The following GOLGA4 variants were observed in gnomAD, a reference collection of about 807,000 sequenced individuals.
GOLGA4 encodes the protein golgin A4, also known as golgin subfamily A member 4.
GOLGA4 carries 169 observed loss-of-function variants against 265.9 expected under a neutral mutation model. That is an observed-to-expected ratio of 0.64 (90% CI 0.56 to 0.72). The LOEUF is 0.72. Among genes scored for constraint, GOLGA4 ranks in the 30% least tolerant of loss-of-function variants. The pLI is 0.00. For missense variants in GOLGA4, 2,482 were observed against 2,483.4 expected (o/e 1.00, Z 0.01); for synonymous variants, 923 against 855.8 (o/e 1.08, Z -1.37).
chr3:37,308,044 G>A (rs963929728), intron 10 of GOLGA4, among the ~76,000 whole-genome samples: 12 of 152,056 alleles, frequency 7.9e-5, no homozygotes, highest in Non-Finnish European at 1.0e-4. Context: ...GACCAGCCTG[G>A]CCAACATGGT....
chr3:37,325,065 A>G lies in GOLGA4; in HGVS notation c.3179A>G (p.Glu1060Gly). ...KLNQQAEELQEIHEIQLQEKE... is the reference protein window; with the variant it reads ...KLNQQAEELQGIHEIQLQEKE... ...AATCAGCAAGCTGAAGAACTTCAGG[A>G]AATACATGAAATCCAATTACAGGAA... Residue 1060 changes from glutamate (E) to glycine (G), a missense_variant, in exon 14 of 24, where the codon GAA becomes GGA. Physicochemically the swap from Glu to Gly is moderately conservative, Grantham distance 98. Coordinates refer to ENST00000361924, the MANE Select transcript of GOLGA4 (RefSeq NM_002078.5). 6 of 1,612,948 alleles carry G rather than the reference A, an allele frequency of 3.7e-6. No individual in the cohort carries two copies. Among genetic ancestry groups the G allele is most frequent in the Non-Finnish European group, 5.1e-6 (6 of 1,179,558 alleles).
intron 4 of GOLGA4, among the ~76,000 whole-genome samples, 173 bp downstream of exon 4, chr3:37,286,234 A>G (rs1197933983): frequency 7.0e-6 from 1 of 142,864 alleles, no homozygotes; most frequent in African/African-American, 2.6e-5. Context: ...GCTCACTGCA[A>G]GCTCCGCCTC....
chr3:37,348,961 G>A (rs931231506), intron 21 of GOLGA4, among the ~76,000 whole-genome samples: 1 of 152,152 alleles, frequency 6.6e-6, no homozygotes, highest in South Asian at 2.1e-4. Flanking sequence ...GACTTGGGAA[G>A]TAGCTGAAAG....
chr3:37,335,136 A>G lies in GOLGA4; in HGVS notation c.6276A>G (p.Leu2092=). 1 of 1,602,766 alleles carries G rather than the reference A, an allele frequency of 6.2e-7. No homozygotes were observed. Among genetic ancestry groups the G allele is most frequent in the Non-Finnish European group, 8.5e-7 (1 of 1,171,998 alleles). Residue 2092 remains leucine, a synonymous_variant, in exon 17 of 24, where the codon CTA becomes CTG. Coordinates refer to ENST00000361924, the MANE Select transcript of GOLGA4 (RefSeq NM_002078.5). ...TGCAGAAGAAATACCAGCAAAAGCT[A>G]GAGCAGGAGGAGAACCCTGGCAATG... is the stretch of plus-strand genomic sequence containing the variant. ...EELQKKYQQK[L]EQEENPGNDN... is the part of the protein sequence containing the mutation.
At chr3:37,243,727 C>G in intron 1 of GOLGA4, 105 bp downstream of exon 1, 2 of 913,442 alleles carry the variant, frequency 2.2e-6, no homozygotes, top group Non-Finnish European at 3.4e-6. Flanking sequence ...GACCTTTAAC[C>G]CCTAACCCGC....
intron 4 of GOLGA4, 24 bp from the exon 5 acceptor site, chr3:37,289,211 C>A: frequency 6.9e-7 from 1 of 1,441,832 alleles, no homozygotes; most frequent in Non-Finnish European, 9.6e-7. Context: ...GTTTAACCAG[C>A]TTTTTTTTCT....
At chr3:37,358,758 G>T (rs556410782) in intron 22 of GOLGA4, among the ~76,000 whole-genome samples, 1 of 152,122 alleles carries the variant, frequency 6.6e-6, no homozygotes, top group African/African-American at 2.4e-5. Context: ...AACCATTAAA[G>T]ACCTCAGTAG....
intron 21 of GOLGA4, among the ~76,000 whole-genome samples, chr3:37,352,787 C>G (rs181832952): frequency 2.6e-5 from 4 of 152,154 alleles, no homozygotes; most frequent in South Asian, 2.1e-4. Flanking sequence ...CTATTTCATT[C>G]TGATTCGTGT....
intron 2 of GOLGA4, among the ~76,000 whole-genome samples, chr3:37,262,674 A>G (rs1163720772): frequency 9.2e-5 from 14 of 152,098 alleles, no homozygotes. Flanking sequence ...AGGCGGAGGC[A>G]GGTGGATTGC....
intron 2 of GOLGA4, chr3:37,266,965 A>G (rs2096785443): frequency 9.1e-7 from 1 of 1,096,082 alleles, no homozygotes; most frequent in East Asian, 5.9e-5. Context: ...CGCTTTCTGC[A>G]TTCCCTTTGT....
intron 10 of GOLGA4, among the ~76,000 whole-genome samples, chr3:37,304,087 G>GA (rs1040724538): frequency 1.8e-4 from 27 of 151,214 alleles, no homozygotes; most frequent in Admixed American, 1.2e-3. Context: ...ACATAAATGA[G>GA]AAAAAAAAAG....
intron 10 of GOLGA4, among the ~76,000 whole-genome samples, chr3:37,304,865 A>AT (rs1056279990): frequency 6.6e-6 from 1 of 152,072 alleles, no homozygotes; most frequent in Non-Finnish European, 1.5e-5. Flanking sequence ...CATAAACCAT[A>AT]TTTTTTTAAT....
At chr3:37,265,878 A>G (rs1251987173) in intron 2 of GOLGA4, among the ~76,000 whole-genome samples, 2 of 151,950 alleles carry the variant, frequency 1.3e-5, no homozygotes, top group Non-Finnish European at 2.9e-5. Context: ...CTCTACAAAA[A>G]TTAGCAGGCA....
intron 1 of GOLGA4, among the ~76,000 whole-genome samples, chr3:37,247,963 G>A (rs992168906): frequency 2.6e-5 from 4 of 152,116 alleles, no homozygotes; most frequent in Admixed American, 2.0e-4. Context: ...GACCCATCCA[G>A]GTAATCTTTT....
chr3:37,301,007 AT>A (rs541304309), intron 9 of GOLGA4, among the ~76,000 whole-genome samples: 126 of 152,196 alleles, frequency 8.3e-4, no homozygotes, highest in South Asian at 4.4e-3. Flanking sequence ...TTGTTTTGAG[AT>A]TTCATATAGC....
At chr3:37,283,414 CT>C in intron 3 of GOLGA4, among the ~76,000 whole-genome samples, 1 of 152,140 alleles carries the variant, frequency 6.6e-6, no homozygotes, top group Non-Finnish European at 1.5e-5. Flanking sequence ...CGTTATGAAT[CT>C]TTGTCTGTTA....
At chr3:37,320,346 C>T (rs1440829058) in intron 12 of GOLGA4, 5 of 151,844 alleles carry the variant, frequency 3.3e-5, no homozygotes, top group East Asian at 1.9e-4. Flanking sequence ...AAATGCTTTC[C>T]GTGTAAAAGG....
intron 7 of GOLGA4, 42 bp downstream of exon 7, chr3:37,296,261 G>T: frequency 6.2e-7 from 1 of 1,602,678 alleles, no homozygotes; most frequent in Non-Finnish European, 8.5e-7. Context: ...AAAACTAGAG[G>T]AGAGCCAGGC....
At chr3:37,314,701 C>A (rs116419905) in intron 10 of GOLGA4, among the ~76,000 whole-genome samples, 1,588 of 147,288 alleles carry the variant, frequency 0.011, 24 homozygotes, top group African/African-American at 0.036. Flanking sequence ...CCTTACTACT[C>A]TAGCCAAGAT....
Sources: allele counts gnomAD v4.1 joint callset (sites outside exome capture counted in the v4.1 genomes callset), GRCh38; gene constraint gnomAD v4.1.1; transcripts MANE v1.5; gene names NCBI Gene and HGNC (gene_info 2026-07-23, HGNC 2026-07-21).